Variants in RFX2 observed in about 807,000 individuals in gnomAD.
RFX2 encodes DNA-binding protein RFX2.
In RFX2, 20 loss-of-function variants were observed where a neutral mutation model predicts 87.8. The observed-to-expected ratio is 0.23, with a 90% CI of 0.16 to 0.33. The LOEUF (loss-of-function observed/expected upper bound fraction) is 0.33. RFX2 is among the 10% of genes least tolerant of loss of function. The pLI is 1.00. For missense variants in RFX2, 767 were observed against 1,012.3 expected (o/e 0.76, Z 3.29); for synonymous variants, 397 against 431.3 (o/e 0.92, Z 0.98).
chr19:6,073,907 G>T (rs1285176623), intron 1 of RFX2, among the ~76,000 whole-genome samples: 1 of 152,174 alleles, frequency 6.6e-6, no homozygotes, highest in Non-Finnish European at 1.5e-5. Flanking sequence ...GAGGGTGAAT[G>T]CACCAATAAA....
chr19:6,093,732 AAC>A (rs1459140602), intron 1 of RFX2, among the ~76,000 whole-genome samples: 1 of 152,030 alleles, frequency 6.6e-6, no homozygotes. Flanking sequence ...AGAAAAAAAA[AAC>A]ACACAAAAAA....
rs1227610607 is a variant in RFX2 at position 6,023,838 on chromosome 19, G to A, written c.597+2325C>T. ...TCTGTCTCCCAGGCTGGAGTGCAGT[G>A]GCGCAATCTCAGCTCACTGCAACCT... On this transcript the variant is annotated intron_variant, in intron 6 of 17. Coordinates refer to ENST00000303657, the MANE Select transcript of RFX2 (RefSeq NM_000635.4). This position sits in a 1 kb window ranked among gnomAD's most constrained non-coding sequence, Gnocchi z 4.9. Among the ~76,000 whole-genome samples the A allele has an allele frequency of 6.6e-6, 1 of 151,358 alleles. No individual in the cohort carries two copies. Among genetic ancestry groups the A allele is most frequent in the African/African-American group, 2.4e-5 (1 of 41,114 alleles).
At chr19:6,035,850 G>GGGGT (rs1555776252) in intron 5 of RFX2, among the ~76,000 whole-genome samples, 22 of 137,166 alleles carry the variant, frequency 1.6e-4, no homozygotes, top group Admixed American at 3.6e-4. Context: ...CTTGGTGGGG[G>GGGGT]GTGTGTGTGT....
At position 6,082,762 on chromosome 19, in the gene RFX2, G is replaced by T. The variant is rs572528844; in HGVS notation, c.-9+27631C>A. ...AAGGGCCAGAAAATACACATTTTTG[G>T]CTTTGCAGGTCTCTGTTGAGACTAC... On this transcript the variant is annotated intron_variant, in intron 1 of 17. Coordinates refer to ENST00000303657, the MANE Select transcript of RFX2 (RefSeq NM_000635.4). 2.6e-5 allele frequency among the ~76,000 whole-genome samples: 4 copies of T among 152,204 alleles called. No homozygotes were observed. The East Asian group carries it at 7.7e-4, about 29-fold the overall frequency.
At chr19:6,097,714 C>G (rs1335889256) in intron 1 of RFX2, among the ~76,000 whole-genome samples, 2 of 152,114 alleles carry the variant, frequency 1.3e-5, no homozygotes, top group Non-Finnish European at 2.9e-5. Flanking sequence ...TCCTGAGTAG[C>G]TGGGACTACA....
At chr19:6,086,500 A>G (rs2144871564) in intron 1 of RFX2, among the ~76,000 whole-genome samples, 1 of 152,374 alleles carries the variant, frequency 6.6e-6, no homozygotes, top group South Asian at 2.1e-4. Flanking sequence ...AAGGTACAGG[A>G]AAAATACAGC....
At position 6,027,785 on chromosome 19, in the gene RFX2, G is replaced by C. The variant is rs1354274137; in HGVS notation, c.523-1548C>G. ...ATTTACTTATCTTTTTCTTGAGCCA[G>C]AGTCTTACTCTGTTTCCCAGGCTGG... On this transcript the variant is annotated intron_variant, in intron 5 of 17. Transcript: ENST00000303657. The surrounding 1 kb of genome is among the most constrained non-coding windows in gnomAD (Gnocchi z 5.0). 6.6e-6 allele frequency among the ~76,000 whole-genome samples: 1 copy of C among 152,220 alleles called. No individual in the cohort carries two copies. The highest frequency in any genetic ancestry group is 1.5e-5 in the Non-Finnish European group (1 of 68,032).
chr19:6,035,173 G>A (rs1050437135), intron 5 of RFX2, among the ~76,000 whole-genome samples: 4 of 152,182 alleles, frequency 2.6e-5, no homozygotes, highest in Non-Finnish European at 2.9e-5. Flanking sequence ...CCCACCGTGT[G>A]ACCCTCAGAG....
intron 5 of RFX2, among the ~76,000 whole-genome samples, chr19:6,037,759 A>C (rs2087044118): frequency 6.6e-6 from 1 of 152,242 alleles, no homozygotes; most frequent in Non-Finnish European, 1.5e-5. Context: ...TTTTAGACTT[A>C]CTATAAAGCT....
chr19:6,071,040 T>G (rs1454895469), intron 1 of RFX2, among the ~76,000 whole-genome samples: 1 of 152,260 alleles, frequency 6.6e-6, no homozygotes, highest in East Asian at 1.9e-4. Flanking sequence ...TTATGGTTAC[T>G]CCATACCTCT....
intron 1 of RFX2, among the ~76,000 whole-genome samples, chr19:6,079,640 C>A (rs561648265): frequency 4.1e-4 from 63 of 152,212 alleles, no homozygotes; most frequent in Non-Finnish European, 8.5e-4. Flanking sequence ...GTAATCCTAG[C>A]ACTTTGGAAG....
intron 6 of RFX2, among the ~76,000 whole-genome samples, chr19:6,018,149 T>G (rs1403027676): frequency 1.3e-5 from 2 of 152,186 alleles, no homozygotes; most frequent in African/African-American, 4.8e-5. Context: ...CTTATGTTTT[T>G]TGTATTTTTA....
At chr19:6,077,788 C>T (rs2087713950) in intron 1 of RFX2, among the ~76,000 whole-genome samples, 1 of 151,920 alleles carries the variant, frequency 6.6e-6, no homozygotes, top group Non-Finnish European at 1.5e-5. Context: ...TTGAGACCAG[C>T]CTGACCAACA....
At chr19:6,099,179 G>C (rs1411435626) in intron 1 of RFX2, among the ~76,000 whole-genome samples, 1 of 152,000 alleles carries the variant, frequency 6.6e-6, no homozygotes, top group Non-Finnish European at 1.5e-5. Flanking sequence ...AAGTTCCAAA[G>C]CAAAACAAGA....
In RFX2 at chr19:6,026,363, A is replaced by C; in HGVS notation, c.523-126T>G. ...CAAATAATGATTCGAGCTCCTACAA[A>C]ATAAAAATGAGGCTCCACGCAGGCA... On this transcript the variant is annotated intron_variant, in intron 5 of 17. Transcript: ENST00000303657. This position sits in a 1 kb window ranked among gnomAD's most constrained non-coding sequence, Gnocchi z 4.5. 1 of 796,622 alleles carries C rather than the reference A, an allele frequency of 1.3e-6. No individual in the cohort carries two copies. Among genetic ancestry groups the C allele is most frequent in the Non-Finnish European group, 2.0e-6 (1 of 493,552 alleles). 49.3% of individuals were successfully genotyped at this position (796,622 alleles called of 1,614,324 possible).
chr19:6,060,603 C>T (rs2087414164), intron 1 of RFX2, among the ~76,000 whole-genome samples: 1 of 152,150 alleles, frequency 6.6e-6, no homozygotes, highest in African/African-American at 2.4e-5. Flanking sequence ...CCTCTGTCGT[C>T]TTCTCTCTGC....
At position 6,019,518 on chromosome 19, in the gene RFX2, G is replaced by GTA. The variant is rs1284200756; in HGVS notation, c.598-3248_598-3247insTA. Among the ~76,000 whole-genome samples, 26 of 144,628 alleles carry GTA rather than the reference G, an allele frequency of 1.8e-4. 1 individual carries two copies. Among genetic ancestry groups the GTA allele is most frequent in the Admixed American group, 1.8e-3 (26 of 14,566 alleles). The allele number at this position is 144,628 out of a possible 152,430, so 94.9% of individuals were successfully genotyped here. ...TTGAAGTTAGTGTGTGAGTATGTGT[G>GTA]TGTGTGTGTGTGTGTGTGTGTGTGT... On this transcript the variant is annotated intron_variant, in intron 6 of 17. Transcript: ENST00000303657.
At position 6,026,432 on chromosome 19, in the gene RFX2, G is replaced by T; in HGVS notation, c.523-195C>A. 1.7e-6 allele frequency: 1 copy of T among 601,098 alleles called. No individual in the cohort carries two copies. 37.2% of individuals were successfully genotyped at this position (601,098 alleles called of 1,614,324 possible). A position where few individuals can be genotyped will look rare whatever the true frequency, so the allele number is the denominator to read the frequency against. ...TTGTGCATGAAAGCTGCGGTAGGGA[G>T]TGTTGCTTCGCACACGTAGGTAAGC... On this transcript the variant is annotated intron_variant, in intron 5 of 17. Transcript: ENST00000303657. The surrounding 1 kb of genome is among the most constrained non-coding windows in gnomAD (Gnocchi z 4.5).
chr19:6,061,193 A>T lies in RFX2; in HGVS notation c.-8-13689T>A, dbSNP rs1348323047. ...CCCTGCCTCCCTATCTCCTACCTGG[A>T]ACCACCACATCCGCCTCCTAATTGG... On this transcript the variant is annotated intron_variant, in intron 1 of 17. Coordinates refer to ENST00000303657, the MANE Select transcript of RFX2 (RefSeq NM_000635.4). This position sits in a 1 kb window ranked among gnomAD's most constrained non-coding sequence, Gnocchi z 5.2. 6.6e-6 allele frequency among the ~76,000 whole-genome samples: 1 copy of T among 152,058 alleles called. No individual in the cohort carries two copies. Among genetic ancestry groups the T allele is most frequent in the East Asian group, 1.9e-4 (1 of 5,192 alleles).
Sources: gnomAD v4.1 joint callset for allele counts (sites outside exome capture counted in the v4.1 genomes callset) on GRCh38, gnomAD v4.1.1 for gene constraint, Gnocchi (gnomAD v3.1) non-coding constraint, MANE v1.5 for transcripts, NCBI Gene and HGNC (gene_info 2026-07-23, HGNC 2026-07-21) for gene names.